The following RNF123 variants were observed in gnomAD, a reference collection of about 807,000 sequenced individuals.
RNF123 encodes ring finger protein 123, also known as E3 ubiquitin-protein ligase RNF123.
In RNF123, 86 loss-of-function variants were observed where a neutral mutation model predicts 168.5. The observed-to-expected ratio is 0.51, with a 90% CI of 0.43 to 0.61. The LOEUF (loss-of-function observed/expected upper bound fraction) is 0.61, where lower values mean the gene tolerates loss of function less well. Among genes scored for constraint, RNF123 ranks in the 20% least tolerant of loss-of-function variants. The pLI is 0.00. For synonymous variants in RNF123, 666 were observed against 689.1 expected (o/e 0.97, Z 0.52); for missense variants, 1,419 against 1,729.7 (o/e 0.82, Z 3.19).
intron 34 of RNF123, 92 bp from the exon 35 acceptor site, chr3:49,716,301 T>C: frequency 1.3e-6 from 2 of 1,547,854 alleles, no homozygotes; most frequent in East Asian, 4.5e-5. Context: ...CAGTCTCGGC[T>C]CACCCTTCTG....
intron 20 of RNF123, 55 bp from the exon 21 acceptor site, chr3:49,703,372 G>A (rs2054446413): frequency 7.0e-7 from 1 of 1,432,188 alleles, no homozygotes; most frequent in Non-Finnish European, 9.8e-7. Context: ...GGGCTGTGGG[G>A]AGGGTCTTCC....
chr3:49,705,523 C>T lies in RNF123; in HGVS notation c.2159-11C>T, dbSNP rs1008598459. ...GCCCTACCCTTGACCCTTCCCTCCC[C>T]AACTCCCCAGTTGAAGGCAGCCACT... is the stretch of plus-strand genomic sequence containing the variant. On this transcript the variant is annotated splice_polypyrimidine_tract_variant and intron_variant, in intron 23 of 38. Coordinates refer to ENST00000327697, the MANE Select transcript of RNF123 (RefSeq NM_022064.5). The T allele has an allele frequency of 3.2e-6, 5 of 1,578,636 alleles. No individual in the cohort carries two copies. Among genetic ancestry groups the T allele is most frequent in the Admixed American group, 3.7e-5 (2 of 54,658 alleles).
intron 17 of RNF123, 65 bp downstream of exon 17, chr3:49,701,975 G>A (rs2054409195): frequency 1.3e-6 from 2 of 1,550,234 alleles, no homozygotes; most frequent in Non-Finnish European, 1.8e-6. Flanking sequence ...GTGCTTGGAG[G>A]TGCCCATGTC....
intron 25 of RNF123, among the ~76,000 whole-genome samples, 198 bp downstream of exon 25, chr3:49,706,263 C>T (rs112176340): frequency 0.035 from 5,402 of 152,308 alleles, 318 homozygotes; most frequent in African/African-American, 0.12. Context: ...GCCCCCCACC[C>T]CCTGGGCCCA....
chr3:49,714,872 TC>T (rs1189592733), intron 31 of RNF123, among the ~76,000 whole-genome samples: 1 of 152,214 alleles, frequency 6.6e-6, no homozygotes, highest in Non-Finnish European at 1.5e-5. Flanking sequence ...CCAAAGGGTG[TC>T]CCCAGAGAGG....
At chr3:49,710,136 A>G (rs2080114994) in intron 26 of RNF123, among the ~76,000 whole-genome samples, 1 of 151,948 alleles carries the variant, frequency 6.6e-6, no homozygotes, top group African/African-American at 2.4e-5. Context: ...ACACCCGGCA[A>G]TTTCTACTTT....
chr3:49,705,109 ACGG>A lies in RNF123; in HGVS notation c.2090_2092del (p.Arg697del). On this transcript the variant is annotated inframe_deletion, in exon 23 of 39. Coordinates refer to ENST00000327697, the MANE Select transcript of RNF123 (RefSeq NM_022064.5). The stretch of plus-strand genomic sequence containing the variant: ...CAGCGGCTGTGAGCCTCATGACCCC[ACGG>A]CGGCCTCTGAGCACCTCGGAGAAAG... 1 of 1,610,796 alleles carries A rather than the reference ACGG, an allele frequency of 6.2e-7. No individual in the cohort carries two copies.
At chr3:49,705,240 C>T in intron 23 of RNF123, 58 bp downstream of exon 23, 1 of 1,539,734 alleles carries the variant, frequency 6.5e-7, no homozygotes, top group Non-Finnish European at 8.8e-7. Context: ...GTGTACAGTC[C>T]CCGATCCGGG....
At chr3:49,701,952 T>C (rs758530270) in intron 17 of RNF123, 42 bp downstream of exon 17, 8 of 1,552,624 alleles carry the variant, frequency 5.2e-6, no homozygotes, top group Non-Finnish European at 5.2e-6. Flanking sequence ...GAGGTGTGTG[T>C]GTGCACATGA....
chr3:49,701,733 G>A, intron 16 of RNF123, 78 bp from the exon 17 acceptor site: 1 of 1,469,542 alleles, frequency 6.8e-7, no homozygotes, highest in South Asian at 1.2e-5. Flanking sequence ...TGGAGATGGA[G>A]TGTGGGTGTT....
chr3:49,710,570 G>A lies in RNF123; in HGVS notation c.2497-1909G>A, dbSNP rs141398423. Among the ~76,000 whole-genome samples the A allele has an allele frequency of 9.1e-3, 1,393 of 152,292 alleles. 18 individuals are homozygous for A. The highest frequency in any genetic ancestry group is 0.032 in the African/African-American group (1,332 of 41,544). The stretch of plus-strand genomic sequence containing the variant: ...GCTGGGATTACAGGCTTCAGCAACC[G>A]CGCCTGGCCATATCCTATAATTTTG... On this transcript the variant is annotated intron_variant, in intron 26 of 38. Transcript: ENST00000327697.
In RNF123 at chr3:49,703,408, C is replaced by G; in HGVS notation, c.1751-19C>G. ...TACTGGGCCGTGACCACTGGCCTAG[C>G]CTCCTCAATTCCTCGCAGAGGCCTA... is the stretch of plus-strand genomic sequence containing the variant. On this transcript the variant is annotated intron_variant, in intron 20 of 38. Coordinates refer to ENST00000327697, the MANE Select transcript of RNF123 (RefSeq NM_022064.5). 1 of 1,606,338 alleles carries G rather than the reference C, an allele frequency of 6.2e-7. No individual in the cohort carries two copies. Among genetic ancestry groups the G allele is most frequent in the Non-Finnish European group, 8.5e-7 (1 of 1,173,300 alleles).
At chr3:49,714,048 G>GC in intron 30 of RNF123, 42 bp from the exon 31 acceptor site, 1 of 1,613,196 alleles carries the variant, frequency 6.2e-7, no homozygotes, top group Non-Finnish European at 8.5e-7. Flanking sequence ...GGGAGAGGGT[G>GC]CGCTGTCCCA....
Position 49,697,394 on chromosome 3 carries a change from T to G in RNF123, c.279T>G (p.Thr93=), listed in dbSNP as rs2054290157. The change falls in exon 5 of 39, where the codon ACT becomes ACG. Residue 93 remains threonine, a synonymous_variant. Transcript: ENST00000327697. ...TTGAAGGGCGGCTTGGCCCATCCAC[T>G]GTGGTCCTGGACCACACAGGCGGCT... ...GQVEGRLGPS[T]VVLDHTGGFE... 4 of 1,610,454 alleles carry G rather than the reference T, an allele frequency of 2.5e-6. No homozygotes were observed. Among genetic ancestry groups the G allele is most frequent in the Non-Finnish European group, 3.4e-6 (4 of 1,177,768 alleles).
At chr3:49,718,118 C>T in intron 35 of RNF123, 1 of 1,613,540 alleles carries the variant, frequency 6.2e-7, no homozygotes, top group Non-Finnish European at 8.5e-7. Flanking sequence ...TGCTTGTGGA[C>T]GCTGGCCTTG....
chr3:49,719,779 C>A (rs1299088999), intron 35 of RNF123: 10 of 314,718 alleles, frequency 3.2e-5, no homozygotes, highest in Middle Eastern at 9.1e-4. Flanking sequence ...CGGCTACATC[C>A]CTTTGTGCCC....
intron 6 of RNF123, 42 bp downstream of exon 6, chr3:49,697,981 G>GT: frequency 1.9e-6 from 3 of 1,613,798 alleles, no homozygotes; most frequent in Non-Finnish European, 2.5e-6. Context: ...TGAGGAGAAA[G>GT]TTTAAGGGCC....
chr3:49,689,978 A>G (rs1056659357), intron 1 of RNF123, among the ~76,000 whole-genome samples: 2 of 152,176 alleles, frequency 1.3e-5, no homozygotes, highest in African/African-American at 2.4e-5. Context: ...TGCTCATCAA[A>G]TGAATGACTG....
At chr3:49,705,326 G>T (rs2054493291) in intron 23 of RNF123, 144 bp downstream of exon 23, 4 of 1,213,306 alleles carry the variant, frequency 3.3e-6, no homozygotes, top group Non-Finnish European at 4.6e-6. Context: ...AGCACACTCC[G>T]AGGGCAGGAG....
Sources: gnomAD v4.1 joint callset for allele counts (sites outside exome capture counted in the v4.1 genomes callset) on GRCh38, gnomAD v4.1.1 for gene constraint, MANE v1.5 for transcripts, NCBI Gene and HGNC (gene_info 2026-07-23, HGNC 2026-07-21) for gene names.